ADGRB3: variants seen among roughly 807,000 people sequenced by gnomAD.
The protein encoded by ADGRB3 is adhesion G protein-coupled receptor B3.
A neutral mutation model predicts 193.4 loss-of-function variants in ADGRB3; 37 were observed. That is an observed-to-expected ratio of 0.19 (90% CI 0.15 to 0.25). ADGRB3 has a LOEUF of 0.25. Among genes scored for constraint, ADGRB3 ranks in the 10% least tolerant of loss-of-function variants. The pLI is 1.00. For missense variants in ADGRB3, 1,637 were observed against 1,852.9 expected (o/e 0.88, Z 2.14); for synonymous variants, 690 against 644.2 (o/e 1.07, Z -1.08).
rs528718 is a variant in ADGRB3 at position 68,838,176 on chromosome 6, C to G, written c.758-92383C>G. 2.0e-5 allele frequency among the ~76,000 whole-genome samples: 3 copies of G among 152,032 alleles called. No individual in the cohort carries two copies. In the East Asian group the frequency reaches 5.8e-4, roughly 30 times the overall value. ...AGAATCCAGTTGCTGGAGGCTTTCT[C>G]TTAAAAGAGCTTAATAGAACCTTCA... On this transcript the variant is annotated intron_variant, in intron 3 of 31. Transcript: ENST00000370598.
chr6:69,243,214 T>A (rs150672258), intron 20 of ADGRB3, among the ~76,000 whole-genome samples: 72 of 151,732 alleles, frequency 4.7e-4, no homozygotes, highest in African/African-American at 1.7e-3. Flanking sequence ...TACCAGGTTA[T>A]AAAAAAAAGC....
intron 3 of ADGRB3, among the ~76,000 whole-genome samples, chr6:68,873,823 A>T (rs1030767795): frequency 2.0e-5 from 3 of 152,082 alleles, no homozygotes; most frequent in Admixed American, 6.5e-5. Flanking sequence ...TGTATTAAAT[A>T]TTTAAAATGC....
At chr6:69,083,922 A>C (rs945206066) in intron 17 of ADGRB3, among the ~76,000 whole-genome samples, 1 of 151,894 alleles carries the variant, frequency 6.6e-6, no homozygotes, top group Non-Finnish European at 1.5e-5. Context: ...TTACAGGTAC[A>C]TGCCACGACA....
chr6:68,924,861 T>G (rs1246998362), intron 3 of ADGRB3, among the ~76,000 whole-genome samples: 5 of 151,976 alleles, frequency 3.3e-5, no homozygotes, highest in African/African-American at 1.2e-4. Context: ...ATTTATCAGA[T>G]TTCTACTATT....
chr6:69,196,731 G>T (rs1436191740), intron 17 of ADGRB3, among the ~76,000 whole-genome samples: 1 of 152,118 alleles, frequency 6.6e-6, no homozygotes, highest in Non-Finnish European at 1.5e-5. Context: ...TTTTAGGAGA[G>T]CATGATTCAG....
chr6:68,878,339 G>A (rs143243291), intron 3 of ADGRB3, among the ~76,000 whole-genome samples: 1 of 151,802 alleles, frequency 6.6e-6, no homozygotes, highest in East Asian at 1.9e-4. Context: ...AGACTAATGT[G>A]TATTTGTTCA....
At chr6:69,136,069 A>G (rs1774140430) in intron 17 of ADGRB3, among the ~76,000 whole-genome samples, 1 of 151,950 alleles carries the variant, frequency 6.6e-6, no homozygotes, top group Admixed American at 6.6e-5. Flanking sequence ...TCAGAAATAT[A>G]CCCCTAGTAT....
chr6:69,158,460 A>C (rs547669322), intron 17 of ADGRB3, among the ~76,000 whole-genome samples: 229 of 152,156 alleles, frequency 1.5e-3, no homozygotes, highest in African/African-American at 4.7e-3. Flanking sequence ...GAAATACAAA[A>C]TGAGGCTTAA....
intron 3 of ADGRB3, among the ~76,000 whole-genome samples, chr6:68,733,885 T>A (rs993676181): frequency 6.6e-6 from 1 of 151,048 alleles, no homozygotes; most frequent in African/African-American, 2.5e-5. Flanking sequence ...AACTCAAAGG[T>A]TAAATGCTTG....
In ADGRB3 at chr6:69,330,560, C is replaced by T. The variant is rs1346156742; in HGVS notation, c.3090C>T (p.Ala1030=). 20 of 1,606,764 alleles carry T rather than the reference C, an allele frequency of 1.2e-5. No individual in the cohort carries two copies. In the East Asian group the frequency reaches 1.8e-4, roughly 14 times the overall value. Residue 1030 remains alanine, a synonymous_variant, in exon 23 of 32, where the codon GCC becomes GCT. Transcript: ENST00000370598. ...TCTATGCTTTTGTGGGACCTGCAGC[C>T]GCTGTTGTCCTGGTAAACATCAAAA... ...GLLYAFVGPA[A]AVVLVNMVIG...
intron 3 of ADGRB3, among the ~76,000 whole-genome samples, chr6:68,874,362 C>T (rs1387279320): frequency 6.6e-6 from 1 of 152,044 alleles, no homozygotes; most frequent in African/African-American, 2.4e-5. Context: ...TATAATTATA[C>T]ATTCTTCATA....
intron 17 of ADGRB3, among the ~76,000 whole-genome samples, chr6:69,143,011 G>A (rs1774382881): frequency 6.6e-6 from 1 of 152,170 alleles, no homozygotes; most frequent in Admixed American, 6.5e-5. Flanking sequence ...AGTGGATGAA[G>A]GTTGCCTTTT....
At chr6:69,207,070 G>A (rs1012612786) in intron 17 of ADGRB3, among the ~76,000 whole-genome samples, 5 of 152,234 alleles carry the variant, frequency 3.3e-5, no homozygotes, top group South Asian at 2.1e-4. Flanking sequence ...GGTCATTCAC[G>A]CCAGCCAACA....
chr6:69,294,169 A>G (rs1015534370), intron 20 of ADGRB3, among the ~76,000 whole-genome samples: 2 of 145,448 alleles, frequency 1.4e-5, no homozygotes, highest in Non-Finnish European at 3.1e-5. Context: ...TGATTGATAT[A>G]GCTTGTTTAA....
In ADGRB3 at chr6:68,807,902, C is replaced by T. The variant is rs1018083121; in HGVS notation, c.758-122657C>T. ...CTGGGAGATAAGAAAACATTTATTA[C>T]GTATTTAAATCCCATTTGGTTTTCC... is the stretch of plus-strand genomic sequence containing the variant. On this transcript the variant is annotated intron_variant, in intron 3 of 31. Transcript: ENST00000370598. 2.1e-4 allele frequency among the ~76,000 whole-genome samples: 32 copies of T among 152,000 alleles called. 1 individual carries two copies. The highest frequency in any genetic ancestry group is 7.2e-4 in the African/African-American group (30 of 41,402).
At chr6:69,296,667 T>C (rs1767824768) in intron 20 of ADGRB3, among the ~76,000 whole-genome samples, 2 of 152,178 alleles carry the variant, frequency 1.3e-5, no homozygotes, top group Admixed American at 6.6e-5. Context: ...ATAAAAATAA[T>C]TCTCCTTACT....
rs150818151 is a variant in ADGRB3 at position 69,073,997 on chromosome 6, A to G, written c.2437-1998A>G. 3.3e-3 allele frequency among the ~76,000 whole-genome samples: 496 copies of G among 152,304 alleles called. 2 individuals are homozygous for G. Among genetic ancestry groups the G allele is most frequent in the African/African-American group, 0.012 (481 of 41,560 alleles). On this transcript the variant is annotated intron_variant, in intron 16 of 31. Transcript: ENST00000370598. ...ATGACAATCGTGATTTAATGTGACC[A>G]CCAAAGTCTATTATTTAAGAGTGGC... is the stretch of plus-strand genomic sequence containing the variant.
At chr6:68,768,976 A>T (rs1766565315) in intron 3 of ADGRB3, among the ~76,000 whole-genome samples, 1 of 152,228 alleles carries the variant, frequency 6.6e-6, no homozygotes, top group Non-Finnish European at 1.5e-5. Context: ...ATGCAAATCA[A>T]AGCCACAATG....
At chr6:68,810,310 A>C (rs1767485336) in intron 3 of ADGRB3, among the ~76,000 whole-genome samples, 1 of 152,210 alleles carries the variant, frequency 6.6e-6, no homozygotes, top group African/African-American at 2.4e-5. Flanking sequence ...ATCCTTCTGG[A>C]AACAATCACC....
Sources: gnomAD v4.1 joint callset for allele counts (sites outside exome capture counted in the v4.1 genomes callset) on GRCh38, gnomAD v4.1.1 for gene constraint, MANE v1.5 for transcripts, NCBI Gene and HGNC (gene_info 2026-07-23, HGNC 2026-07-21) for gene names.